The following THADA variants were observed in gnomAD, a reference collection of about 807,000 sequenced individuals.
The protein encoded by THADA is tRNA (32-2'-O)-methyltransferase regulator THADA.
THADA carries 213 observed loss-of-function variants against 219.8 expected under a neutral mutation model. That is an observed-to-expected ratio of 0.97 (90% CI 0.87 to 1.09). The LOEUF (loss-of-function observed/expected upper bound fraction) is 1.09, where lower values mean the gene tolerates loss of function less well. Among genes scored for constraint, THADA ranks in the 50% least tolerant of loss-of-function variants. The pLI, the probability that THADA is intolerant of heterozygous loss-of-function variation, is 0.00. For missense variants in THADA, 2,956 were observed against 2,311.3 expected (o/e 1.28, Z -5.72); for synonymous variants, 1,018 against 828.9 (o/e 1.23, Z -3.92).
chr2:43,506,432 T>G (rs1272641947), intron 23 of THADA, among the ~76,000 whole-genome samples: 1 of 152,182 alleles, frequency 6.6e-6, no homozygotes, highest in Non-Finnish European at 1.5e-5. Context: ...ACAACATGGA[T>G]GAACTCTGAA....
chr2:43,547,054 T>C (rs1431530053), intron 20 of THADA, among the ~76,000 whole-genome samples: 67 of 152,108 alleles, frequency 4.4e-4, no homozygotes, highest in Non-Finnish European at 8.8e-4. Flanking sequence ...GGAGCTCTTT[T>C]AGGGCAGGCC....
chr2:43,310,963 G>A (rs1558561318), intron 31 of THADA, among the ~76,000 whole-genome samples: 1 of 152,102 alleles, frequency 6.6e-6, no homozygotes, highest in Non-Finnish European at 1.5e-5. Context: ...GATCACCTGA[G>A]GTAGCGAGTT....
At chr2:43,394,599 G>A (rs1044768272) in intron 29 of THADA, among the ~76,000 whole-genome samples, 12 of 152,202 alleles carry the variant, frequency 7.9e-5, no homozygotes, top group South Asian at 2.1e-4. Flanking sequence ...GATTTCAAAG[G>A]TAGCTTTATG....
chr2:43,301,342 A>G (rs1255816519), intron 31 of THADA, among the ~76,000 whole-genome samples: 1 of 152,262 alleles, frequency 6.6e-6, no homozygotes, highest in Non-Finnish European at 1.5e-5. Context: ...AAAAGAACGA[A>G]TACGCACTAT....
intron 31 of THADA, among the ~76,000 whole-genome samples, chr2:43,313,908 A>C: frequency 6.6e-6 from 1 of 152,246 alleles, no homozygotes; most frequent in East Asian, 1.9e-4. Context: ...CCACCTTAGC[A>C]CACATGGGAT....
At position 43,549,296 on chromosome 2, in the gene THADA, G is replaced by C. The variant is rs187866390; in HGVS notation, c.3020C>G (p.Ala1007Gly). 8.1e-6 allele frequency: 13 copies of C among 1,599,566 alleles called. No individual in the cohort carries two copies. The East Asian group carries it at 1.1e-4, about 14-fold the overall frequency. ...PRDTNDYFNQ[A>G]KILKEHDSFD... ...GCTATCATGTTCTTTCAATATTTTGGCTTGGTTAAAATAATCATTAGTATC... is the reference window on the plus strand; with the variant it reads ...GCTATCATGTTCTTTCAATATTTTGCCTTGGTTAAAATAATCATTAGTATC... The change falls in exon 20 of 38, where the codon GCC (alanine) becomes GGC (glycine). Residue 1007 changes from alanine (A) to glycine (G), a missense_variant. By Grantham distance (60) the Ala-to-Gly change is moderately conservative. Coordinates refer to ENST00000405975, the MANE Select transcript of THADA (RefSeq NM_022065.5).
chr2:43,540,261 G>C (rs868668539), intron 21 of THADA, among the ~76,000 whole-genome samples: 3 of 152,218 alleles, frequency 2.0e-5, no homozygotes, highest in Admixed American at 2.0e-4. Flanking sequence ...GAAATGTCCT[G>C]TGCGCCTTTG....
At position 43,485,305 on chromosome 2, in the gene THADA, A is replaced by AAGTGTGGAT. The variant is rs1396583454; in HGVS notation, c.3756_3764dup (p.Ser1253_Leu1255dup). 6.2e-7 allele frequency: 1 copy of AAGTGTGGAT among 1,612,902 alleles called. No homozygotes were observed. The highest frequency in any genetic ancestry group is 8.5e-7 in the Non-Finnish European group (1 of 1,179,376). On this transcript the variant is annotated inframe_insertion, in exon 26 of 38. Transcript: ENST00000405975. ...TTCTTGTGATCAAGGCACTAAAGAG[A>AAGTGTGGAT]AGTGTGGATGAATTTCGCACCTAAT...
chr2:43,397,963 T>G lies in THADA; in HGVS notation c.4227+8A>C. The stretch of plus-strand genomic sequence containing the variant: ...TTGACAGAAGTCACACAAAGCAACT[T>G]TACTTACCTGGAGAAGTGTCCCATG... On this transcript the variant is annotated splice_region_variant and intron_variant, in intron 29 of 37. Transcript: ENST00000405975. The G allele has an allele frequency of 6.2e-7, 1 of 1,613,682 alleles. No individual in the cohort carries two copies. The highest frequency in any genetic ancestry group is 8.5e-7 in the Non-Finnish European group (1 of 1,179,672).
rs57697839 is a variant in THADA at position 43,308,758 on chromosome 2, C to CAAAAAAAAAAA, written c.4438+11677_4438+11687dup. 3.9e-5 allele frequency among the ~76,000 whole-genome samples: 2 copies of CAAAAAAAAAAA among 50,866 alleles called. 1 individual carries two copies. 33.4% of individuals were successfully genotyped at this position (50,866 alleles called of 152,430 possible). A position where few individuals can be genotyped will look rare whatever the true frequency, so the allele number is the denominator to read the frequency against. The stretch of plus-strand genomic sequence containing the variant: ...GTGCTGAAACATTGGATACCCATAC[C>CAAAAAAAAAAA]AAAAAAAAAAAAAAAAAAAAAAAAA... On this transcript the variant is annotated intron_variant, in intron 31 of 37. Coordinates refer to ENST00000405975, the MANE Select transcript of THADA (RefSeq NM_022065.5).
In THADA at chr2:43,279,800, G is replaced by A; in HGVS notation, c.5261C>T (p.Thr1754Ile). Residue 1754 changes from threonine to isoleucine, a missense_variant, in exon 36 of 38, where the codon ACT (threonine) becomes ATT (isoleucine). Thr to Ile is a moderately conservative substitution (Grantham distance 89). Transcript: ENST00000405975. ...GCAGGTATTTTCTTGTGACATGGCA[G>A]TTGTCACGGTTTCCGTGGCTGCATC... ...VRDAATETVTTAMSQENTCQS... is the reference protein window; with the variant it reads ...VRDAATETVTIAMSQENTCQS... 1 of 1,552,622 alleles carries A rather than the reference G, an allele frequency of 6.4e-7. No individual in the cohort carries two copies. The highest frequency in any genetic ancestry group is 8.7e-7 in the Non-Finnish European group (1 of 1,147,740).
chr2:43,457,767 C>G (rs1423934608), intron 26 of THADA, among the ~76,000 whole-genome samples: 1 of 152,148 alleles, frequency 6.6e-6, no homozygotes, highest in East Asian at 1.9e-4. Flanking sequence ...TTTTGCTTCA[C>G]TTTTTTCTCC....
intron 21 of THADA, among the ~76,000 whole-genome samples, chr2:43,540,247 G>C (rs986174657): frequency 1.3e-5 from 2 of 152,212 alleles, no homozygotes; most frequent in Non-Finnish European, 2.9e-5. Context: ...ACATAATGAT[G>C]CCTGAAATGT....
In THADA at chr2:43,573,011, A is replaced by T. The variant is rs1396273122; in HGVS notation, c.1730-19T>A. The T allele has an allele frequency of 6.2e-7, 1 of 1,608,948 alleles. No homozygotes were observed. Among genetic ancestry groups the T allele is most frequent in the Non-Finnish European group, 8.5e-7 (1 of 1,177,688 alleles). The stretch of plus-strand genomic sequence containing the variant: ...TCTTGTCCTGAAAGCACAATAACAA[A>T]GACCATTACTGTATTATGCAATGAC... On this transcript the variant is annotated intron_variant, in intron 11 of 37. Coordinates refer to ENST00000405975, the MANE Select transcript of THADA (RefSeq NM_022065.5).
intron 7 of THADA, 92 bp from the exon 8 acceptor site, chr2:43,582,020 G>T: frequency 2.2e-6 from 2 of 890,818 alleles, no homozygotes; most frequent in Non-Finnish European, 3.2e-6. Context: ...ATTCCTCAAA[G>T]GCCCAAAATC....
intron 26 of THADA, chr2:43,484,368 T>C (rs1686625212): frequency 5.9e-6 from 1 of 169,110 alleles, no homozygotes; most frequent in African/African-American, 2.4e-5. Context: ...ATATGAAGCA[T>C]AATGACTTTT....
chr2:43,547,264 T>A (rs554676434), intron 20 of THADA, among the ~76,000 whole-genome samples: 1 of 152,358 alleles, frequency 6.6e-6, no homozygotes, highest in South Asian at 2.1e-4. Flanking sequence ...CTTCCCTTTG[T>A]GGGTAACCCG....
intron 30 of THADA, among the ~76,000 whole-genome samples, chr2:43,328,947 C>G (rs936061771): frequency 2.0e-5 from 3 of 152,186 alleles, no homozygotes; most frequent in African/African-American, 4.8e-5. Flanking sequence ...ATTTTTCCAT[C>G]TTTCTATTAG....
At chr2:43,256,280 G>A (rs1033642982) in intron 36 of THADA, among the ~76,000 whole-genome samples, 2 of 152,118 alleles carry the variant, frequency 1.3e-5, no homozygotes, top group Non-Finnish European at 2.9e-5. Context: ...AGGCCAAGGT[G>A]GGAGTTATCA....
Sources: gnomAD v4.1 joint callset for allele counts (sites outside exome capture counted in the v4.1 genomes callset) on GRCh38, gnomAD v4.1.1 for gene constraint, MANE v1.5 for transcripts, NCBI Gene and HGNC (gene_info 2026-07-23, HGNC 2026-07-21) for gene names.